BCAS4: variants seen among roughly 807,000 people sequenced by gnomAD.
BCAS4 encodes breast carcinoma-amplified sequence 4.
A neutral mutation model predicts 15.7 loss-of-function variants in BCAS4; 9 were observed. The ratio of observed to expected loss-of-function variants is 0.57; its 90% CI spans 0.34 to 1.00. BCAS4 has a LOEUF of 1.00. Among genes scored for constraint, BCAS4 ranks in the 50% least tolerant of loss-of-function variants. The pLI is 0.02. For synonymous variants in BCAS4, 101 were observed against 99.5 expected, an observed-to-expected ratio of 1.02 and a Z score of -0.09; for missense variants, 225 against 239.1, an observed-to-expected ratio of 0.94 and a Z score of 0.39.
chr20:50,859,984 G>T (rs1414997256), intron 4 of BCAS4, among the ~76,000 whole-genome samples: 2 of 152,042 alleles, frequency 1.3e-5, no homozygotes, highest in Non-Finnish European at 2.9e-5. Context: ...CAAAAGAAAA[G>T]AATTAGTTGG....
intron 2 of BCAS4, among the ~76,000 whole-genome samples, chr20:50,827,958 C>A (rs1211571311): frequency 2.0e-5 from 3 of 152,188 alleles, no homozygotes; most frequent in Non-Finnish European, 2.9e-5. Context: ...GAACTCCTCA[C>A]CTCAGGTGAT....
In BCAS4 at chr20:50,795,061, A is replaced by G; in HGVS notation, c.-23A>G. The G allele has an allele frequency of 6.7e-7, 1 of 1,484,166 alleles. No homozygotes were observed. The allele number at this position is 1,484,166 out of a possible 1,614,324, so 91.9% of individuals were successfully genotyped here. ...CACGGGCTCCCAGGCAGCCTCCGCC[A>G]GCCGGACCCCGTCGCCCTCCTGATG... is the stretch of plus-strand genomic sequence containing the variant. On this transcript the variant is annotated 5_prime_UTR_variant, in exon 1 of 5. Coordinates refer to ENST00000371608, the MANE Select transcript of BCAS4 (RefSeq NM_198799.4).
At chr20:50,875,743 C>G (rs1178693999) in intron 4 of BCAS4, among the ~76,000 whole-genome samples, 1 of 151,948 alleles carries the variant, frequency 6.6e-6, no homozygotes, top group African/African-American at 2.4e-5. Context: ...GATGGCACCA[C>G]TGTACTCCAG....
At chr20:50,853,139 ATTTTTTTTTTT>A (rs35651267) in intron 4 of BCAS4, among the ~76,000 whole-genome samples, 1 of 106,906 alleles carries the variant, frequency 9.4e-6, no homozygotes, top group African/African-American at 3.9e-5. Context: ...ATCCCCTTTC[ATTTTTTTTTTT>A]TTTTTTTTTT....
intron 4 of BCAS4, among the ~76,000 whole-genome samples, chr20:50,872,823 T>C (rs1979725018): frequency 6.6e-6 from 1 of 152,230 alleles, no homozygotes; most frequent in Non-Finnish European, 1.5e-5. Context: ...GGTGTCAGGC[T>C]TGGGCCTGAG....
chr20:50,869,379 G>C (rs934352484), intron 4 of BCAS4, among the ~76,000 whole-genome samples: 4 of 152,162 alleles, frequency 2.6e-5, no homozygotes, highest in African/African-American at 9.7e-5. Flanking sequence ...GGCAGACCCT[G>C]GACAACCTTG....
intron 4 of BCAS4, among the ~76,000 whole-genome samples, chr20:50,861,279 C>T (rs2123835978): frequency 6.6e-6 from 1 of 152,302 alleles, no homozygotes; most frequent in African/African-American, 2.4e-5. Context: ...GAGGGGCTGA[C>T]CAGCTGCAGC....
intron 1 of BCAS4, among the ~76,000 whole-genome samples, chr20:50,817,094 C>T (rs567438267): frequency 3.4e-4 from 52 of 151,684 alleles, no homozygotes; most frequent in African/African-American, 1.3e-3. Flanking sequence ...AGCCAGTGCA[C>T]CTGGGCTAAT....
At chr20:50,847,355 G>A (rs2088559173) in intron 4 of BCAS4, among the ~76,000 whole-genome samples, 1 of 152,118 alleles carries the variant, frequency 6.6e-6, no homozygotes, top group Non-Finnish European at 1.5e-5. Context: ...CCAAAGTGTC[G>A]GGATTATAGG....
chr20:50,846,565 C>CT (rs2088546248), intron 4 of BCAS4: 1 of 151,162 alleles, frequency 6.6e-6, no homozygotes, highest in South Asian at 2.1e-4. Context: ...TTGTCATGGC[C>CT]TGCAAGAGGG....
chr20:50,838,179 A>G lies in BCAS4; in HGVS notation c.265-3587A>G, dbSNP rs76537168. On this transcript the variant is annotated intron_variant, in intron 3 of 4. Transcript: ENST00000371608. ...CATTCATTCATTCATGCACGTGTGCATTTATGCATCCGCCACCCATATGGG... is the reference window on the plus strand; with the variant it reads ...CATTCATTCATTCATGCACGTGTGCGTTTATGCATCCGCCACCCATATGGG... Among the ~76,000 whole-genome samples, 649 of 152,336 alleles carry G rather than the reference A, an allele frequency of 4.3e-3. 8 individuals carry two copies. The highest frequency in any genetic ancestry group is 0.022 in the Admixed American group (340 of 15,302).
At chr20:50,840,773 A>G in intron 3 of BCAS4, 3 of 1,562,498 alleles carry the variant, frequency 1.9e-6, no homozygotes, top group Non-Finnish European at 2.6e-6. Context: ...AAGCGGAGCG[A>G]GGCACGCGAG....
intron 2 of BCAS4, among the ~76,000 whole-genome samples, chr20:50,820,412 T>C (rs1390980784): frequency 6.6e-6 from 1 of 151,846 alleles, no homozygotes; most frequent in Non-Finnish European, 1.5e-5. Flanking sequence ...TAAGGAGAAA[T>C]AGAGAATTCA....
downstream of BCAS4, chr20:50,877,290 T>G: frequency 6.6e-6 from 1 of 152,338 alleles, no homozygotes; most frequent in East Asian, 1.9e-4. Context: ...CCTGGGCACC[T>G]GCTGATGAGG....
At chr20:50,852,801 C>G (rs999798587) in intron 4 of BCAS4, among the ~76,000 whole-genome samples, 3 of 152,236 alleles carry the variant, frequency 2.0e-5, no homozygotes, top group East Asian at 3.8e-4. Flanking sequence ...GGGCCTGCAT[C>G]TGGGCCTTGG....
chr20:50,865,083 A>C (rs2123841943), intron 4 of BCAS4, among the ~76,000 whole-genome samples: 1 of 152,084 alleles, frequency 6.6e-6, no homozygotes, highest in African/African-American at 2.4e-5. Context: ...ACAGAGCAAG[A>C]CTCTATCTCA....
At chr20:50,856,830 C>T (rs1322826371) in intron 4 of BCAS4, among the ~76,000 whole-genome samples, 1 of 152,164 alleles carries the variant, frequency 6.6e-6, no homozygotes, top group Non-Finnish European at 1.5e-5. Flanking sequence ...CTACTGTGTG[C>T]CAGGCCCTCT....
chr20:50,839,664 G>A (rs1232956326), intron 3 of BCAS4, among the ~76,000 whole-genome samples: 3 of 152,076 alleles, frequency 2.0e-5, no homozygotes, highest in Non-Finnish European at 4.4e-5. Context: ...CACCACACTC[G>A]GCTAATTTTT....
At chr20:50,801,366 C>T (rs1267372067) in intron 1 of BCAS4, among the ~76,000 whole-genome samples, 1 of 152,050 alleles carries the variant, frequency 6.6e-6, no homozygotes, top group Admixed American at 6.5e-5. Flanking sequence ...GTGGAAGTTG[C>T]AGTGAGGCCG....
Sources: allele counts gnomAD v4.1 joint callset (sites outside exome capture counted in the v4.1 genomes callset), GRCh38; gene constraint gnomAD v4.1.1; transcripts MANE v1.5; gene names NCBI Gene and HGNC (gene_info 2026-07-23, HGNC 2026-07-21).